Variants in GAPVD1 observed in about 807,000 individuals in gnomAD.
GAPVD1 encodes GTPase-activating protein and VPS9 domain-containing protein 1.
GAPVD1 carries 35 observed loss-of-function variants against 155.5 expected under a neutral mutation model. The observed-to-expected ratio is 0.23, with a 90% CI of 0.17 to 0.30. GAPVD1 has a LOEUF of 0.30. Ranked by LOEUF, GAPVD1 falls within the 10% of genes least tolerant of loss-of-function variation. The probability of loss-of-function intolerance (pLI) is 1.00; values close to 1 mark genes in which losing one functional copy is unlikely to be tolerated. For synonymous variants in GAPVD1, 636 were observed against 619.7 expected (o/e 1.03, Z -0.39); for missense variants, 1,429 against 1,775.7 (o/e 0.80, Z 3.51).
At chr9:125,359,751 C>T in intron 26 of GAPVD1, 1 of 408,712 alleles carries the variant, frequency 2.4e-6, no homozygotes, top group Non-Finnish European at 4.4e-6. Context: ...CTCTCAGGGG[C>T]AGTACCTCTC....
In GAPVD1 at chr9:125,360,595, C is replaced by T; in HGVS notation, c.4112C>T (p.Thr1371Ile). The T allele has an allele frequency of 1.2e-6, 2 of 1,612,398 alleles. No homozygotes were observed. The highest frequency in any genetic ancestry group is 1.7e-6 in the Non-Finnish European group (2 of 1,178,508). Residue 1371 changes from threonine (T) to isoleucine (I), a missense_variant, in exon 27 of 28, where the codon ACC (threonine) becomes ATC (isoleucine). Thr to Ile is a moderately conservative substitution (Grantham distance 89, BLOSUM62 -1). This residue lies in a region of GAPVD1 where 102 missense variants were observed against 196.5 expected (regional missense o/e 0.52). Transcript: ENST00000297933. ...SEIRTISAYK[T>I]PRDKVQCILR... ...ATCAGGACAATAAGTGCTTATAAAA[C>T]CCCCCGGGACAAAGTGCAGTGCATC...
At chr9:125,332,194 A>G in intron 14 of GAPVD1, 134 bp downstream of exon 14, 2 of 869,596 alleles carry the variant, frequency 2.3e-6, no homozygotes, top group Non-Finnish European at 3.5e-6. Flanking sequence ...ACTTATTTCC[A>G]TTGCACCTGA....
intron 1 of GAPVD1, among the ~76,000 whole-genome samples, chr9:125,264,522 C>G (rs985946794): frequency 1.3e-5 from 2 of 151,750 alleles, no homozygotes; most frequent in African/African-American, 4.8e-5. Context: ...AAGAATAGAC[C>G]ATAGATATTT....
Position 125,326,581 on chromosome 9 carries a change from A to G in GAPVD1, c.2024A>G (p.Glu675Gly). ...AATATTGATGAAGATCGCTTGCAAGAAATTGCAGGTAACTGCCATTTAATG... is the reference window on the plus strand; with the variant it reads ...AATATTGATGAAGATCGCTTGCAAGGAATTGCAGGTAACTGCCATTTAATG... ...DPNIDEDRLQ[E>G]IAGAAAENML... Residue 675 changes from glutamate to glycine, a missense_variant, in exon 12 of 28, where the codon GAA becomes GGA. By Grantham distance (98) the Glu-to-Gly change is moderately conservative. Transcript: ENST00000297933. 1 of 1,609,484 alleles carries G rather than the reference A, an allele frequency of 6.2e-7. No homozygotes were observed. The highest frequency in any genetic ancestry group is 8.5e-7 in the Non-Finnish European group (1 of 1,176,292).
intron 9 of GAPVD1, among the ~76,000 whole-genome samples, chr9:125,317,147 G>A (rs1398716107): frequency 6.6e-6 from 1 of 151,860 alleles, no homozygotes; most frequent in Non-Finnish European, 1.5e-5. Flanking sequence ...GTGAAACCCC[G>A]TCTCGACTAA....
At chr9:125,264,608 G>T (rs1033392325) in intron 1 of GAPVD1, among the ~76,000 whole-genome samples, 2 of 152,066 alleles carry the variant, frequency 1.3e-5, no homozygotes, top group Admixed American at 6.6e-5. Flanking sequence ...TTAAATTTTT[G>T]TATTAAGGCA....
intron 1 of GAPVD1, among the ~76,000 whole-genome samples, chr9:125,262,912 A>G (rs1833171976): frequency 6.6e-6 from 1 of 152,058 alleles, no homozygotes; most frequent in South Asian, 2.1e-4. Context: ...ATATTTTTGC[A>G]TCATGTTTAC....
chr9:125,336,672 G>T (rs1847055228), intron 15 of GAPVD1: 1 of 216,502 alleles, frequency 4.6e-6, no homozygotes, highest in South Asian at 6.9e-5. Context: ...TCAGGTGAGG[G>T]GAAGGCGAGG....
At chr9:125,266,325 T>A (rs1024420377) in intron 1 of GAPVD1, among the ~76,000 whole-genome samples, 3 of 151,166 alleles carry the variant, frequency 2.0e-5, no homozygotes, top group South Asian at 2.1e-4. Context: ...TTTTATTTTT[T>A]TTTTTTTAGA....
At chr9:125,278,796 C>G (rs919825805) in intron 2 of GAPVD1, among the ~76,000 whole-genome samples, 1 of 151,542 alleles carries the variant, frequency 6.6e-6, no homozygotes, top group Admixed American at 6.6e-5. Flanking sequence ...TATCATGCCA[C>G]AGTACTCCAG....
At chr9:125,350,893 A>G (rs1470751212) in intron 23 of GAPVD1, 21 bp downstream of exon 23, 1 of 1,579,648 alleles carries the variant, frequency 6.3e-7, no homozygotes, top group Non-Finnish European at 8.6e-7. Context: ...CCACCTGTTC[A>G]GCTTTTAAAC....
chr9:125,276,560 A>G (rs1835828690), intron 2 of GAPVD1, among the ~76,000 whole-genome samples: 2 of 152,120 alleles, frequency 1.3e-5, no homozygotes, highest in South Asian at 4.1e-4. Flanking sequence ...GTGATGGTGT[A>G]CGCCTGTAGT....
At chr9:125,263,560 T>TGCAAAAGAA in intron 1 of GAPVD1, 1 of 1,253,580 alleles carries the variant, frequency 8.0e-7, no homozygotes, top group East Asian at 2.4e-5. Flanking sequence ...GTTTATTCAA[T>TGCAAAAGAA]GCAAAAGAAT....
chr9:125,343,193 C>G (rs1348895481), intron 19 of GAPVD1, among the ~76,000 whole-genome samples: 2 of 151,790 alleles, frequency 1.3e-5, no homozygotes, highest in Non-Finnish European at 1.5e-5. Flanking sequence ...ATGCAGGAAC[C>G]CTTTTTTTTT....
At chr9:125,355,887 G>A in intron 25 of GAPVD1, 30 bp downstream of exon 25, 5 of 1,182,544 alleles carry the variant, frequency 4.2e-6, no homozygotes, top group Non-Finnish European at 6.4e-6. Flanking sequence ...GTGCCTATGT[G>A]GAACTACATA....
chr9:125,296,363 T>TTTTTTTGTTTTTG lies in GAPVD1; in HGVS notation c.-33+795_-33+796insGTTTTTGTTTTTT, dbSNP rs1410785472. Among the ~76,000 whole-genome samples the TTTTTTTGTTTTTG allele has an allele frequency of 6.2e-5, 9 of 146,252 alleles. 2 individuals carry two copies. Among genetic ancestry groups the TTTTTTTGTTTTTG allele is most frequent in the East Asian group, 5.9e-4 (3 of 5,056 alleles). On this transcript the variant is annotated intron_variant, in intron 3 of 27. Coordinates refer to ENST00000297933, the MANE Select transcript of GAPVD1 (RefSeq NM_001282680.3). ...CGGCCACATATAGTTCTTAGGTTTT[T>TTTTTTTGTTTTTG]TTTTTTTTTTGAGATGGAGTCTTAC...
At chr9:125,280,864 C>T (rs900227494) in intron 2 of GAPVD1, among the ~76,000 whole-genome samples, 3 of 151,924 alleles carry the variant, frequency 2.0e-5, no homozygotes, top group African/African-American at 4.8e-5. Flanking sequence ...CGTGAGTCAA[C>T]GTGCCCAGCC....
In GAPVD1 at chr9:125,321,475, C is replaced by G. The variant is rs1426662949; in HGVS notation, c.1645C>G (p.Pro549Ala). Residue 549 changes from proline (P) to alanine (A), a missense_variant, in exon 10 of 28, where the codon CCT (proline) becomes GCT (alanine). Transcript: ENST00000297933. Reference sequence around the variant, plus strand: ...TTCGGATGGAGGACAAGGAGATGTCCCTGTTGATGAAAACAAACTCCATGG... The same window carrying G: ...TTCGGATGGAGGACAAGGAGATGTCGCTGTTGATGAAAACAAACTCCATGG... ...QLSDGGQGDV[P>A]VDENKLHGKP... The G allele has an allele frequency of 2.5e-6, 4 of 1,611,834 alleles. No homozygotes were observed. The highest frequency in any genetic ancestry group is 2.2e-5 in the South Asian group (2 of 91,002).
Position 125,337,318 on chromosome 9 carries a change from G to A in GAPVD1, c.2604G>A (p.Glu868=). Residue 868 remains glutamate (E), a synonymous_variant, in exon 17 of 28, where the codon GAG becomes GAA. Coordinates refer to ENST00000297933, the MANE Select transcript of GAPVD1 (RefSeq NM_001282680.3). The stretch of plus-strand genomic sequence containing the variant: ...TGGAAGGAGCTGTGGGAGGAAATGA[G>A]GCCAGGTTGCCAAACTTTGGTTCCC... The part of the protein sequence containing the change: ...PILEGAVGGN[E]ARLPNFGSHV... 1 of 1,614,198 alleles carries A rather than the reference G, an allele frequency of 6.2e-7. No individual in the cohort carries two copies. Among genetic ancestry groups the A allele is most frequent in the South Asian group, 1.1e-5 (1 of 91,080 alleles).
Sources: allele counts gnomAD v4.1 joint callset (sites outside exome capture counted in the v4.1 genomes callset), GRCh38; gene constraint gnomAD v4.1.1; regional missense constraint gnomAD v4.1.1; transcripts MANE v1.5; gene names NCBI Gene and HGNC (gene_info 2026-07-23, HGNC 2026-07-21).